Variants in CNTNAP5 observed in about 807,000 individuals in gnomAD.
CNTNAP5 encodes contactin associated protein family member 5, also known as contactin-associated protein-like 5.
In CNTNAP5, 72 loss-of-function variants were observed where a neutral mutation model predicts 150.2. The ratio of observed to expected loss-of-function variants is 0.48; its 90% CI spans 0.40 to 0.58. The LOEUF is 0.58. Among genes scored for constraint, CNTNAP5 ranks in the 20% least tolerant of loss-of-function variants. The pLI is 0.00. For synonymous variants in CNTNAP5, 672 were observed against 619.8 expected, an observed-to-expected ratio of 1.08 and a Z score of -1.25; for missense variants, 1,636 against 1,626.2, an observed-to-expected ratio of 1.01 and a Z score of -0.10.
intron 10 of CNTNAP5, among the ~76,000 whole-genome samples, chr2:124,539,074 G>A (rs1695315812): frequency 6.6e-6 from 1 of 152,120 alleles, no homozygotes. Context: ...TTCATCGATG[G>A]CCCATTATAA....
chr2:124,101,141 A>G (rs1004127284), intron 1 of CNTNAP5, among the ~76,000 whole-genome samples: 7 of 152,224 alleles, frequency 4.6e-5, no homozygotes, highest in Admixed American at 3.3e-4. Flanking sequence ...CACAATAATC[A>G]TGTTGCTCAG....
At chr2:124,270,185 T>C (rs917370593) in intron 3 of CNTNAP5, among the ~76,000 whole-genome samples, 1 of 151,974 alleles carries the variant, frequency 6.6e-6, no homozygotes, top group Non-Finnish European at 1.5e-5. Flanking sequence ...CACGATGGCC[T>C]GTAATCCCAG....
chr2:124,158,036 G>T (rs1558779662), intron 1 of CNTNAP5, among the ~76,000 whole-genome samples: 1 of 152,144 alleles, frequency 6.6e-6, no homozygotes, highest in South Asian at 2.1e-4. Flanking sequence ...TGCTGCAAAT[G>T]GTCAAGTGGA....
At chr2:124,366,643 G>T (rs1191613536) in intron 3 of CNTNAP5, among the ~76,000 whole-genome samples, 1 of 152,078 alleles carries the variant, frequency 6.6e-6, no homozygotes, top group Non-Finnish European at 1.5e-5. Context: ...ACCCCTCCAG[G>T]TGTTATTTTA....
chr2:124,333,821 T>G (rs751369920), intron 3 of CNTNAP5, among the ~76,000 whole-genome samples: 1 of 152,144 alleles, frequency 6.6e-6, no homozygotes. Context: ...GGCAAAGTAC[T>G]AAGATCTTTA....
At chr2:124,314,278 G>A (rs1228559302) in intron 3 of CNTNAP5, among the ~76,000 whole-genome samples, 1 of 152,160 alleles carries the variant, frequency 6.6e-6, no homozygotes, top group African/African-American at 2.4e-5. Context: ...ACAACCTGCA[G>A]TTTCCTAGTC....
At chr2:124,429,676 C>T (rs1256872158) in intron 4 of CNTNAP5, among the ~76,000 whole-genome samples, 1 of 152,170 alleles carries the variant, frequency 6.6e-6, no homozygotes, top group African/African-American at 2.4e-5. Context: ...CGCACCCCAC[C>T]AGGCTAGTTC....
At chr2:124,876,408 T>C (rs990148207) in intron 21 of CNTNAP5, among the ~76,000 whole-genome samples, 3 of 151,320 alleles carry the variant, frequency 2.0e-5, no homozygotes, top group Non-Finnish European at 2.9e-5. Context: ...AGATCAACAA[T>C]GATCTAGTAA....
intron 13 of CNTNAP5, among the ~76,000 whole-genome samples, chr2:124,710,163 G>A (rs903029765): frequency 3.9e-5 from 6 of 152,126 alleles, no homozygotes; most frequent in Admixed American, 3.3e-4. Context: ...CCTTACAGGA[G>A]CAGCTGGTTA....
intron 3 of CNTNAP5, among the ~76,000 whole-genome samples, chr2:124,376,773 C>T (rs1365572912): frequency 7.9e-5 from 12 of 151,938 alleles, no homozygotes; most frequent in Admixed American, 7.9e-4. Flanking sequence ...CTGTGAGCAT[C>T]CACAGAGAGT....
In CNTNAP5 at chr2:124,768,881, T is replaced by C. The variant is rs552221171; in HGVS notation, c.2534-3918T>C. On this transcript the variant is annotated intron_variant, in intron 16 of 23. Coordinates refer to ENST00000682447, the MANE Select transcript of CNTNAP5 (RefSeq NM_001367498.1). Reference sequence around the variant, plus strand: ...ACCACAGGTACTATTTTTCTAGAGATAGAAAATGTGGCTGCCATCAGATCC... The same window carrying C: ...ACCACAGGTACTATTTTTCTAGAGACAGAAAATGTGGCTGCCATCAGATCC... Among the ~76,000 whole-genome samples the C allele has an allele frequency of 2.5e-4, 38 of 152,296 alleles. 1 individual carries two copies. In the South Asian group the frequency reaches 7.9e-3, roughly 32 times the overall value.
At chr2:124,304,624 T>A (rs1688636666) in intron 3 of CNTNAP5, among the ~76,000 whole-genome samples, 1 of 152,114 alleles carries the variant, frequency 6.6e-6, no homozygotes, top group Admixed American at 6.5e-5. Flanking sequence ...CTGGCTACAA[T>A]GTTGAGAGTC....
At chr2:124,599,292 TTTTG>T (rs1696923356) in intron 11 of CNTNAP5, among the ~76,000 whole-genome samples, 1 of 152,216 alleles carries the variant, frequency 6.6e-6, no homozygotes, top group African/African-American at 2.4e-5. Flanking sequence ...ATGTAATTTT[TTTTG>T]TTTTTCTACT....
chr2:124,773,076 T>G, intron 17 of CNTNAP5, 59 bp downstream of exon 17: 1 of 1,360,882 alleles, frequency 7.3e-7, no homozygotes, highest in Non-Finnish European at 1.0e-6. Flanking sequence ...TGTGTGACCA[T>G]GCCCAAGAAA....
chr2:124,627,749 T>C (rs1677759108), intron 12 of CNTNAP5, among the ~76,000 whole-genome samples: 1 of 152,126 alleles, frequency 6.6e-6, no homozygotes, highest in African/African-American at 2.4e-5. Flanking sequence ...CTTCAGAAAG[T>C]GGGTAATAAT....
chr2:124,090,085 A>G (rs73954528), intron 1 of CNTNAP5, among the ~76,000 whole-genome samples: 15,787 of 152,314 alleles, frequency 0.1, 886 homozygotes, highest in Non-Finnish European at 0.12. Context: ...AATATTGAGT[A>G]AATGTATGGA....
chr2:124,265,822 G>A (rs76673176), intron 3 of CNTNAP5, among the ~76,000 whole-genome samples: 28 of 145,616 alleles, frequency 1.9e-4, no homozygotes, highest in African/African-American at 5.6e-4. Flanking sequence ...GTTTCCATTT[G>A]CAGCATGAGA....
chr2:124,896,945 T>C (rs1678318938), intron 21 of CNTNAP5, among the ~76,000 whole-genome samples: 1 of 151,636 alleles, frequency 6.6e-6, no homozygotes, highest in Non-Finnish European at 1.5e-5. Flanking sequence ...GTCTTAAACG[T>C]GACGCACTAC....
chr2:124,597,801 C>A (rs1323016431), intron 11 of CNTNAP5, among the ~76,000 whole-genome samples: 2 of 151,450 alleles, frequency 1.3e-5, no homozygotes, highest in Non-Finnish European at 2.9e-5. Context: ...TAGATTTGGT[C>A]TTTTCACATA....
Sources: allele counts gnomAD v4.1 joint callset (sites outside exome capture counted in the v4.1 genomes callset), GRCh38; gene constraint gnomAD v4.1.1; transcripts MANE v1.5; gene names NCBI Gene and HGNC (gene_info 2026-07-23, HGNC 2026-07-21).